Variants in RPS6KC1 observed in about 807,000 individuals in gnomAD.
The protein encoded by RPS6KC1 is ribosomal protein S6 kinase C1, also known as inactive ribosomal protein S6 kinase delta-1.
RPS6KC1 carries 54 observed loss-of-function variants against 103.8 expected under a neutral mutation model. The observed-to-expected ratio is 0.52, with a 90% CI of 0.42 to 0.65. RPS6KC1 has a LOEUF of 0.65. RPS6KC1 is among the 30% of genes least tolerant of loss of function. RPS6KC1 has a pLI of 0.00. For synonymous variants in RPS6KC1, 439 were observed against 438.7 expected, an observed-to-expected ratio of 1.00 and a Z score of -0.01; for missense variants, 1,151 against 1,253.8, an observed-to-expected ratio of 0.92 and a Z score of 1.24.
At chr1:213,621,623 G>A in the RPS6KC1 span, among the ~76,000 whole-genome samples, 1 of 152,164 alleles carries the variant, frequency 6.6e-6, no homozygotes, top group Admixed American at 6.5e-5. Context: ...AGTTTAGACT[G>A]ACCTCTGTTC....
chr1:213,279,832 A>C, the RPS6KC1 span, among the ~76,000 whole-genome samples: 1 of 152,234 alleles, frequency 6.6e-6, no homozygotes, highest in African/African-American at 2.4e-5. Flanking sequence ...CCAGGTCATC[A>C]ACGTTAGGAT....
chr1:213,557,988 A>T, the RPS6KC1 span, among the ~76,000 whole-genome samples: 1 of 152,280 alleles, frequency 6.6e-6, no homozygotes, highest in Non-Finnish European at 1.5e-5. Flanking sequence ...GAGAAGGAAA[A>T]CTTTCTAGAA....
chr1:213,711,145 G>C, the RPS6KC1 span, among the ~76,000 whole-genome samples: 1 of 152,144 alleles, frequency 6.6e-6, no homozygotes, highest in South Asian at 2.1e-4. Flanking sequence ...GTCAGTTTCA[G>C]ATACAGCAAT....
the RPS6KC1 span, among the ~76,000 whole-genome samples, chr1:213,532,585 C>A: frequency 3.0e-4 from 45 of 152,324 alleles, no homozygotes; most frequent in South Asian, 6.2e-3. Flanking sequence ...CCACTGCACC[C>A]CAGCTATGCT....
chr1:213,858,982 A>G, the RPS6KC1 span, among the ~76,000 whole-genome samples: 1 of 152,210 alleles, frequency 6.6e-6, no homozygotes, highest in Non-Finnish European at 1.5e-5. Context: ...CAGGCTGGTG[A>G]TGCCAAATAT....
chr1:213,481,391 A>G, the RPS6KC1 span, among the ~76,000 whole-genome samples: 2 of 152,218 alleles, frequency 1.3e-5, no homozygotes, highest in African/African-American at 2.4e-5. Context: ...TTGTGTGCCA[A>G]AGTGAAGTGT....
intron 12 of RPS6KC1, among the ~76,000 whole-genome samples, chr1:213,247,501 T>C (rs991875742): frequency 1.3e-5 from 2 of 152,182 alleles, no homozygotes; most frequent in Admixed American, 1.3e-4. Context: ...GTAATAGTTA[T>C]GTATCTGATA....
At chr1:213,751,234 A>G in the RPS6KC1 span, among the ~76,000 whole-genome samples, 1 of 152,130 alleles carries the variant, frequency 6.6e-6, no homozygotes, top group East Asian at 1.9e-4. Context: ...TCATCCTGGC[A>G]GCCAGGATGG....
chr1:213,301,056 C>A, the RPS6KC1 span, among the ~76,000 whole-genome samples: 1 of 152,140 alleles, frequency 6.6e-6, no homozygotes, highest in Non-Finnish European at 1.5e-5. Context: ...TCAGGGGCGC[C>A]CCCTCTACAG....
chr1:213,451,647 T>A, the RPS6KC1 span, among the ~76,000 whole-genome samples: 2 of 152,250 alleles, frequency 1.3e-5, no homozygotes, highest in South Asian at 4.1e-4. Flanking sequence ...TCCATGAGGC[T>A]AAGCTCCTAT....
chr1:213,409,002 A>C, the RPS6KC1 span, among the ~76,000 whole-genome samples: 1 of 152,030 alleles, frequency 6.6e-6, no homozygotes, highest in African/African-American at 2.4e-5. Flanking sequence ...TCTGCTCAAG[A>C]GGTGAAGAAC....
the RPS6KC1 span, among the ~76,000 whole-genome samples, chr1:213,385,019 G>A: frequency 6.6e-6 from 1 of 152,186 alleles, no homozygotes; most frequent in Non-Finnish European, 1.5e-5. Flanking sequence ...TTGCCAGACT[G>A]GGGTTTGAAC....
Position 213,242,313 on chromosome 1 carries a change from A to G in RPS6KC1, c.2821+16A>G. The G allele has an allele frequency of 6.2e-7, 1 of 1,612,640 alleles. No individual in the cohort carries two copies. Among genetic ancestry groups the G allele is most frequent in the Non-Finnish European group, 8.5e-7 (1 of 1,179,166 alleles). On this transcript the variant is annotated intron_variant, in intron 11 of 14. Coordinates refer to ENST00000366960, the MANE Select transcript of RPS6KC1 (RefSeq NM_012424.6). Reference sequence around the variant, plus strand: ...AATGATAGAGGTCAGGAACTTTTGCAAATGCATTTCTTTTTATTCGCTGTT... The same window carrying G: ...AATGATAGAGGTCAGGAACTTTTGCGAATGCATTTCTTTTTATTCGCTGTT...
At chr1:213,705,965 A>G in the RPS6KC1 span, among the ~76,000 whole-genome samples, 1 of 152,214 alleles carries the variant, frequency 6.6e-6, no homozygotes, top group African/African-American at 2.4e-5. Flanking sequence ...AAGATGCAAG[A>G]CAAAGTCCTC....
In RPS6KC1 at chr1:213,111,510, G is replaced by A. The variant is rs116750675; in HGVS notation, c.379-5807G>A. Among the ~76,000 whole-genome samples the A allele has an allele frequency of 7.0e-3, 1,066 of 152,032 alleles. 14 individuals are homozygous for A. Among genetic ancestry groups the A allele is most frequent in the African/African-American group, 0.024 (1,011 of 41,450 alleles). On this transcript the variant is annotated intron_variant, in intron 4 of 14. Coordinates refer to ENST00000366960, the MANE Select transcript of RPS6KC1 (RefSeq NM_012424.6). ...TCTTTCCTATTTATTTTTTATAACA[G>A]TGTTTGTTAAACTAGGTAAATAAAA...
the RPS6KC1 span, among the ~76,000 whole-genome samples, chr1:213,506,488 T>C: frequency 1.3e-5 from 2 of 152,228 alleles, no homozygotes; most frequent in African/African-American, 2.4e-5. Flanking sequence ...TCATTGAAAG[T>C]TCATTTAACT....
chr1:213,395,723 A>G, the RPS6KC1 span, among the ~76,000 whole-genome samples: 1 of 152,200 alleles, frequency 6.6e-6, no homozygotes, highest in African/African-American at 2.4e-5. Context: ...TAAAGATTTA[A>G]TAATTGGCAC....
chr1:213,709,257 C>G, the RPS6KC1 span, among the ~76,000 whole-genome samples: 2 of 152,146 alleles, frequency 1.3e-5, no homozygotes, highest in African/African-American at 4.8e-5. Context: ...GGGGATTCGA[C>G]TTCTTCCTGG....
At chr1:213,157,153 T>TTTTTAAGATATG (rs1479120417) in intron 6 of RPS6KC1, among the ~76,000 whole-genome samples, 1 of 152,186 alleles carries the variant, frequency 6.6e-6, no homozygotes, top group Non-Finnish European at 1.5e-5. Flanking sequence ...CTTCTTTGAT[T>TTTTTAAGATATG]CATGTATTTT....
Sources: allele counts gnomAD v4.1 joint callset (sites outside exome capture counted in the v4.1 genomes callset), GRCh38; gene constraint gnomAD v4.1.1; transcripts MANE v1.5; gene names NCBI Gene and HGNC (gene_info 2026-07-23, HGNC 2026-07-21).